UGDH: variants seen among roughly 807,000 people sequenced by gnomAD.
UGDH encodes the protein UDP-glucose 6-dehydrogenase.
UGDH carries 38 observed loss-of-function variants against 50.6 expected under a neutral mutation model. That is an observed-to-expected ratio of 0.75 (90% CI 0.58 to 0.98). The LOEUF is 0.98. Ranked by LOEUF, UGDH falls within the 50% of genes least tolerant of loss-of-function variation. The pLI, the probability that UGDH is intolerant of heterozygous loss-of-function variation, is 0.00. For synonymous variants in UGDH, 168 were observed against 199.9 expected (o/e 0.84, Z 1.35); for missense variants, 465 against 606.2 (o/e 0.77, Z 2.45).
intron 3 of UGDH, 24 bp from the exon 4 acceptor site, chr4:39,510,885 G>C: frequency 6.2e-7 from 1 of 1,612,436 alleles, no homozygotes; most frequent in African/African-American, 1.3e-5. Context: ...ATGGGATAAA[G>C]AACAGAGTGC....
Position 39,505,326 on chromosome 4 carries a change from C to A in UGDH, c.1082G>T (p.Gly361Val). The A allele has an allele frequency of 6.3e-7, 1 of 1,586,526 alleles. No homozygotes were observed. The highest frequency in any genetic ancestry group is 8.6e-7 in the Non-Finnish European group (1 of 1,167,066). The change falls in exon 9 of 12, where the codon GGT (glycine) becomes GTT (valine). Residue 361 changes from glycine to valine, a missense_variant. Transcript: ENST00000316423. ...IYISKYLMDE[G>V]AHLHIYDPKV... ...TGGATCATATATATGTAGATGTGCA[C>A]CTTCATCCATCAAATATTTGCTAAT...
chr4:39,504,412 C>T lies in UGDH; in HGVS notation c.1263+5G>A, dbSNP rs1420678418. 8.1e-6 allele frequency: 13 copies of T among 1,613,560 alleles called. No homozygotes were observed. The highest frequency in any genetic ancestry group is 2.2e-5 in the East Asian group (1 of 44,864). ...TTTTCCTTAGTATCTTTTCTGTTAC[C>T]TTACCTTAAACATGTCCCACTCAGT... is the stretch of plus-strand genomic sequence containing the variant. On this transcript the variant is annotated splice_donor_5th_base_variant and intron_variant, in intron 10 of 11. Transcript: ENST00000316423.
intron 2 of UGDH, among the ~76,000 whole-genome samples, chr4:39,515,496 A>G (rs1746406762): frequency 9.5e-6 from 1 of 104,714 alleles, no homozygotes; most frequent in Non-Finnish European, 2.1e-5. Flanking sequence ...GAACCCTTTT[A>G]TTTAAAAAAA....
intron 11 of UGDH, among the ~76,000 whole-genome samples, chr4:39,501,670 T>C (rs955910756): frequency 6.6e-6 from 1 of 152,212 alleles, no homozygotes; most frequent in African/African-American, 2.4e-5. Context: ...TAGGTCTTTC[T>C]TCCTCACTTG....
intron 7 of UGDH, 121 bp from the exon 8 acceptor site, chr4:39,505,869 A>G (rs1578265256): frequency 6.7e-6 from 7 of 1,046,032 alleles, no homozygotes; most frequent in Non-Finnish European, 8.8e-6. Flanking sequence ...TATTAACAAG[A>G]GGCAAAAATT....
intron 10 of UGDH, 50 bp from the exon 11 acceptor site, chr4:39,504,035 G>T: frequency 1.3e-6 from 2 of 1,513,340 alleles, no homozygotes; most frequent in East Asian, 2.3e-5. Flanking sequence ...TGGGCCGGGC[G>T]GAGTGGCTCA....
chr4:39,514,071 G>C lies in UGDH; in HGVS notation c.264+12C>G. The C allele has an allele frequency of 6.4e-7, 1 of 1,565,840 alleles. No individual in the cohort carries two copies. The highest frequency in any genetic ancestry group is 2.3e-5 in the East Asian group (1 of 44,350). On this transcript the variant is annotated intron_variant, in intron 3 of 11. Transcript: ENST00000316423. The stretch of plus-strand genomic sequence containing the variant: ...ATACATTAAAATTCACACAACAAAG[G>C]AAAATACTTACAGAAATAAATACAA...
chr4:39,523,162 G>C (rs913062037), intron 1 of UGDH, among the ~76,000 whole-genome samples: 1 of 151,626 alleles, frequency 6.6e-6, no homozygotes, highest in African/African-American at 2.4e-5. Flanking sequence ...TTTGATTCTC[G>C]TGCCTCAGCC....
Position 39,514,066 on chromosome 4 carries a change from C to G in UGDH, c.264+17G>C. 6.4e-7 allele frequency: 1 copy of G among 1,560,078 alleles called. No individual in the cohort carries two copies. The highest frequency in any genetic ancestry group is 8.7e-7 in the Non-Finnish European group (1 of 1,148,026). On this transcript the variant is annotated intron_variant, in intron 3 of 11. Transcript: ENST00000316423. ...CAAGAATACATTAAAATTCACACAA[C>G]AAAGGAAAATACTTACAGAAATAAA...
At chr4:39,508,734 T>A (rs533493287) in intron 6 of UGDH, 74 bp from the exon 7 acceptor site, 6 of 1,286,388 alleles carry the variant, frequency 4.7e-6, no homozygotes, top group Middle Eastern at 1.9e-4. Context: ...AATTTCTTTA[T>A]ACTAAATCAG....
At chr4:39,508,786 A>T in intron 6 of UGDH, 126 bp from the exon 7 acceptor site, 2 of 751,506 alleles carry the variant, frequency 2.7e-6, no homozygotes, top group Non-Finnish European at 4.1e-6. Context: ...ATTCAGATGG[A>T]TAAATAATGG....
chr4:39,506,941 T>G (rs1746052518), intron 7 of UGDH, among the ~76,000 whole-genome samples: 1 of 152,170 alleles, frequency 6.6e-6, no homozygotes, highest in Non-Finnish European at 1.5e-5. Context: ...AAGGATCACT[T>G]GAGCCCAAGA....
chr4:39,518,628 A>G (rs1377842478), intron 2 of UGDH, among the ~76,000 whole-genome samples: 1 of 151,022 alleles, frequency 6.6e-6, no homozygotes, highest in Non-Finnish European at 1.5e-5. Flanking sequence ...TTAAAAAAAA[A>G]AAAAAAAAAG....
intron 1 of UGDH, among the ~76,000 whole-genome samples, chr4:39,525,810 C>G (rs865994591): frequency 1.4e-4 from 22 of 152,190 alleles, no homozygotes; most frequent in Middle Eastern, 3.2e-3. Context: ...CGCCCGGCCC[C>G]CATTTTCTAT....
intron 1 of UGDH, among the ~76,000 whole-genome samples, chr4:39,523,563 G>C (rs967114887): frequency 2.0e-5 from 3 of 151,970 alleles, no homozygotes; most frequent in African/African-American, 7.3e-5. Flanking sequence ...CCAGCACTTC[G>C]GGAGGCCGAG....
chr4:39,527,257 G>C, intron 1 of UGDH, 26 bp downstream of exon 1: 1 of 585,036 alleles, frequency 1.7e-6, no homozygotes, highest in Non-Finnish European at 2.6e-6. Flanking sequence ...CCCGGGCGGC[G>C]GGGCCAGCCT....
intron 1 of UGDH, chr4:39,526,630 T>G (rs1220313075): frequency 1.2e-5 from 2 of 169,624 alleles, no homozygotes; most frequent in Non-Finnish European, 2.6e-5. Flanking sequence ...CTAAGTTATC[T>G]TCCTATATAT....
intron 7 of UGDH, among the ~76,000 whole-genome samples, 169 bp downstream of exon 7, chr4:39,508,397 C>T (rs1222730660): frequency 6.6e-6 from 1 of 152,082 alleles, no homozygotes. Context: ...CCATGCCTGG[C>T]TAATTTTTAA....
chr4:39,502,828 C>A lies in UGDH; in HGVS notation c.1374+1047G>T, dbSNP rs544413360. Among the ~76,000 whole-genome samples the A allele has an allele frequency of 4.9e-4, 74 of 152,268 alleles. 1 individual carries two copies. Among genetic ancestry groups the A allele is most frequent in the Non-Finnish European group, 9.3e-4 (63 of 68,024 alleles). On this transcript the variant is annotated intron_variant, in intron 11 of 11. Transcript: ENST00000316423. ...ATGGCATGATCTCAGCTCATTACAACCTCTGCCTGCTGGGCTCAAGCAATC... is the reference window on the plus strand; with the variant it reads ...ATGGCATGATCTCAGCTCATTACAAACTCTGCCTGCTGGGCTCAAGCAATC...
Sources: gnomAD v4.1 joint callset for allele counts (sites outside exome capture counted in the v4.1 genomes callset) on GRCh38, gnomAD v4.1.1 for gene constraint, MANE v1.5 for transcripts, NCBI Gene and HGNC (gene_info 2026-07-23, HGNC 2026-07-21) for gene names.